PEX5: variants seen among roughly 807,000 people sequenced by gnomAD.
PEX5 encodes peroxisomal biogenesis factor 5, also known as PTS1 receptor.
In PEX5, 52 loss-of-function variants were observed where a neutral mutation model predicts 82.9. The observed-to-expected ratio is 0.63, with a 90% confidence interval of 0.50 to 0.79. The LOEUF (loss-of-function observed/expected upper bound fraction) is 0.79, where lower values mean the gene tolerates loss of function less well. PEX5 is among the 30% of genes least tolerant of loss of function. The probability of loss-of-function intolerance (pLI) is 0.00; values close to 1 mark genes in which losing one functional copy is unlikely to be tolerated. For missense variants in PEX5, 719 were observed against 815.2 expected (o/e 0.88, Z 1.44); for synonymous variants, 300 against 318.8 (o/e 0.94, Z 0.63).
intron 5 of PEX5, among the ~76,000 whole-genome samples, chr12:7,197,478 A>G (rs1942930543): frequency 7.0e-6 from 1 of 142,122 alleles, no homozygotes. Flanking sequence ...TATGTTATAT[A>G]TAATATAATA....
In PEX5 at chr12:7,191,601, A is replaced by G; in HGVS notation, c.349A>G (p.Asn117Asp). The change falls in exon 5 of 16, where the codon AAC (asparagine) becomes GAC (aspartate). Residue 117 changes from asparagine to aspartate, a missense_variant. Asn to Asp is a conservative substitution (Grantham distance 23, BLOSUM62 1). Transcript: ENST00000675855. ...PGVADLALSE[N>D]WAQEFLAAGD... ...TGTGGCAGACTTGGCCTTGTCTGAG[A>G]ACTGGGCCCAGGAGTTTCTTGCAGC... The G allele has an allele frequency of 6.2e-7, 1 of 1,613,894 alleles. No individual in the cohort carries two copies. The highest frequency in any genetic ancestry group is 2.2e-5 in the East Asian group (1 of 44,884).
chr12:7,197,422 A>G (rs1282042567), intron 5 of PEX5, among the ~76,000 whole-genome samples: 3 of 120,934 alleles, frequency 2.5e-5, no homozygotes, highest in East Asian at 2.1e-4. Context: ...ATGTAATTAT[A>G]TGTCATATAC....
At chr12:7,209,574 TAGTGAAA>T in intron 14 of PEX5, 102 bp from the exon 15 acceptor site, 1 of 115,170 alleles carries the variant, frequency 8.7e-6, no homozygotes, top group Non-Finnish European at 1.4e-5. Flanking sequence ...GCTAACAGAG[TAGTGAAA>T]CAGCTGGAGT....
At chr12:7,209,993 A>G (rs372943355) in intron 15 of PEX5, 29 bp from the exon 16 acceptor site, 71 of 1,612,130 alleles carry the variant, frequency 4.4e-5, no homozygotes, top group Non-Finnish European at 5.9e-5. Context: ...GTTCAGCTTA[A>G]CAGCTCTCAT....
Position 7,201,243 on chromosome 12 carries a change from A to G in PEX5, c.552-508A>G, listed in dbSNP as rs747274819. On this transcript the variant is annotated intron_variant, in intron 6 of 15. Transcript: ENST00000675855. ...TATATACACACGTATACATATGTAA[A>G]CATGTAGATACATGCGTACACATGT... Among the ~76,000 whole-genome samples the G allele has an allele frequency of 1.2e-4, 18 of 152,186 alleles. No individual in the cohort carries two copies. The South Asian group carries it at 2.9e-3, about 25-fold the overall frequency.
chr12:7,197,252 T>TATGTAATAATTATATGTCATATATA lies in PEX5; in HGVS notation c.449-1744_449-1743insGTCATATATAATGTAATAATTATAT, dbSNP rs1565687478. Among the ~76,000 whole-genome samples, 3 of 15,444 alleles carry TATGTAATAATTATATGTCATATATA rather than the reference T, an allele frequency of 1.9e-4. 1 individual carries two copies. The highest frequency in any genetic ancestry group is 3.1e-4 in the Non-Finnish European group (2 of 6,534). 10.1% of individuals were successfully genotyped at this position (15,444 alleles called of 152,430 possible). A position where few individuals can be genotyped will look rare whatever the true frequency, so the allele number is the denominator to read the frequency against. ...TGTCATATGTAATAATTATATGTCA[T>TATGTAATAATTATATGTCATATATA]ATGTAATAATTATATATGTCATATA... On this transcript the variant is annotated intron_variant, in intron 5 of 15. Transcript: ENST00000675855.
chr12:7,209,715 C>G lies in PEX5; in HGVS notation c.1593C>G (p.Thr531=). 1 of 1,613,096 alleles carries G rather than the reference C, an allele frequency of 6.2e-7. No individual in the cohort carries two copies. The highest frequency in any genetic ancestry group is 8.5e-7 in the Non-Finnish European group (1 of 1,179,782). The change falls in exon 15 of 16, where the codon ACC becomes ACG. Residue 531 remains threonine, a synonymous_variant. Transcript: ENST00000675855. ...TGCTGTGGAATAAGCTAGGCGCCAC[C>G]CTGGCCAATGGAAACCAGAGTGAAG... ...DYLLWNKLGA[T]LANGNQSEEA...
chr12:7,189,882 G>A, intron 1 of PEX5, 132 bp downstream of exon 1: 2 of 1,385,748 alleles, frequency 1.4e-6, no homozygotes, highest in Non-Finnish European at 1.9e-6. Context: ...GGGGAGCGCG[G>A]GAGGGACCGG....
downstream of PEX5, among the ~76,000 whole-genome samples, chr12:7,214,907 C>T (rs1161443426): frequency 6.6e-6 from 1 of 151,876 alleles, no homozygotes; most frequent in East Asian, 1.9e-4. Flanking sequence ...CTAAATTCAT[C>T]TTGGGATTTT....
downstream of PEX5, among the ~76,000 whole-genome samples, chr12:7,211,684 A>AT (rs1306337294): frequency 6.6e-6 from 1 of 152,108 alleles, no homozygotes; most frequent in Non-Finnish European, 1.5e-5. Flanking sequence ...ATAATCATGA[A>AT]TTTTTACTCC....
Position 7,203,183 on chromosome 12 carries a change from G to A in PEX5, c.847-249G>A, listed in dbSNP as rs1256138513. On this transcript the variant is annotated intron_variant, in intron 9 of 15. Coordinates refer to ENST00000675855, the MANE Select transcript of PEX5 (RefSeq NM_001351132.2). ...CAAACAAAAAACTAAACTAAACTATGCACTGCACTGCACTGCACTGCACTG... is the reference window on the plus strand; with the variant it reads ...CAAACAAAAAACTAAACTAAACTATACACTGCACTGCACTGCACTGCACTG... 1.2e-3 allele frequency among the ~76,000 whole-genome samples: 14 copies of A among 11,728 alleles called. 3 individuals are homozygous for A. Among genetic ancestry groups the A allele is most frequent in the South Asian group, 0.011 (2 of 182 alleles). 7.7% of individuals were successfully genotyped at this position (11,728 alleles called of 152,430 possible). A position where few individuals can be genotyped will look rare whatever the true frequency, so the allele number is the denominator to read the frequency against.
At chr12:7,206,901 A>AC (rs967295242) in intron 10 of PEX5, among the ~76,000 whole-genome samples, 4 of 152,198 alleles carry the variant, frequency 2.6e-5, no homozygotes, top group African/African-American at 9.7e-5. Flanking sequence ...TTTGCAGCTT[A>AC]CTAGTGACTT....
chr12:7,218,030 G>A (rs993112720), intron 17 of PEX5, among the ~76,000 whole-genome samples: 6 of 152,134 alleles, frequency 3.9e-5, no homozygotes, highest in Non-Finnish European at 7.4e-5. Context: ...TCAGTTAGAC[G>A]TTATTTTACT....
chr12:7,201,744 G>A lies in PEX5; in HGVS notation c.552-7G>A, dbSNP rs189631769. On this transcript the variant is annotated splice_polypyrimidine_tract_variant and splice_region_variant and intron_variant, in intron 6 of 15. Transcript: ENST00000675855. Reference sequence around the variant, plus strand: ...TAATGTGTAAAATTAGTTCTTACCCGTTCCAGGTATGATGAATATCATCCT... The same window carrying A: ...TAATGTGTAAAATTAGTTCTTACCCATTCCAGGTATGATGAATATCATCCT... The A allele has an allele frequency of 2.8e-4, 455 of 1,607,398 alleles. 1 individual carries two copies. Among genetic ancestry groups the A allele is most frequent in the Middle Eastern group, 2.0e-3 (12 of 5,970 alleles).
At chr12:7,205,641 T>G (rs756190982) in intron 10 of PEX5, among the ~76,000 whole-genome samples, 45 of 152,346 alleles carry the variant, frequency 3.0e-4, no homozygotes, top group Non-Finnish European at 5.9e-4. Flanking sequence ...GAAGCCAAGC[T>G]TATCCTGTGT....
intron 5 of PEX5, among the ~76,000 whole-genome samples, chr12:7,193,234 CTTTT>C (rs11339507): frequency 1.3e-4 from 16 of 121,090 alleles, no homozygotes; most frequent in Admixed American, 1.7e-4. Context: ...TCTTGAGATT[CTTTT>C]TTTTTTTTTT....
chr12:7,195,254 G>C (rs1275790854), intron 5 of PEX5, among the ~76,000 whole-genome samples: 1 of 152,166 alleles, frequency 6.6e-6, no homozygotes. Context: ...TTGGTGTCTA[G>C]GTTATTCTCA....
downstream of PEX5, among the ~76,000 whole-genome samples, chr12:7,214,999 A>G (rs1330347031): frequency 6.6e-6 from 1 of 152,200 alleles, no homozygotes; most frequent in African/African-American, 2.4e-5. Flanking sequence ...GGCATCTTAA[A>G]ATTTTACTCA....
At chr12:7,212,431 A>AT (rs200469509), downstream of PEX5, among the ~76,000 whole-genome samples, 819 of 133,662 alleles carry the variant, frequency 6.1e-3, 8 homozygotes, top group African/African-American at 0.02. Context: ...CCAAAGTCTA[A>AT]TTTTTTTTTT....
Sources: allele counts gnomAD v4.1 joint callset (sites outside exome capture counted in the v4.1 genomes callset), GRCh38; gene constraint gnomAD v4.1.1; transcripts MANE v1.5; gene names NCBI Gene and HGNC (gene_info 2026-07-23, HGNC 2026-07-21).